The following RAB3GAP1 variants were observed in gnomAD, a reference collection of about 807,000 sequenced individuals.
RAB3GAP1 encodes RAB3 GTPase activating protein catalytic subunit 1, also known as rab3 GTPase-activating protein catalytic subunit.
A neutral mutation model predicts 130.7 loss-of-function variants in RAB3GAP1; 86 were observed. That is an observed-to-expected ratio of 0.66 (90% CI 0.55 to 0.79). The LOEUF (loss-of-function observed/expected upper bound fraction) is 0.79, where lower values mean the gene tolerates loss of function less well. RAB3GAP1 is among the 30% of genes least tolerant of loss of function. The pLI, the probability that RAB3GAP1 is intolerant of heterozygous loss-of-function variation, is 0.00. For synonymous variants in RAB3GAP1, 367 were observed against 401.7 expected (o/e 0.91, Z 1.03); for missense variants, 1,029 against 1,169.4 (o/e 0.88, Z 1.75).
chr2:135,133,094 C>G (rs554124998), intron 14 of RAB3GAP1, 110 bp downstream of exon 14: 8 of 752,644 alleles, frequency 1.1e-5, no homozygotes, highest in Non-Finnish European at 1.6e-5. Context: ...TAAAAATCAC[C>G]TTGGGAATTT....
intron 3 of RAB3GAP1, among the ~76,000 whole-genome samples, chr2:135,059,593 T>C (rs1432086032): frequency 2.0e-5 from 3 of 152,154 alleles, no homozygotes; most frequent in Non-Finnish European, 4.4e-5. Context: ...TCAGGGTACT[T>C]GGGAACCCTT....
At chr2:135,079,139 G>A (rs1689714641) in intron 3 of RAB3GAP1, among the ~76,000 whole-genome samples, 1 of 152,094 alleles carries the variant, frequency 6.6e-6, no homozygotes, top group Non-Finnish European at 1.5e-5. Context: ...ACAGTGCTGG[G>A]ATTACAGGCG....
chr2:135,160,172 A>G, intron 19 of RAB3GAP1, among the ~76,000 whole-genome samples: 1 of 152,354 alleles, frequency 6.6e-6, no homozygotes, highest in East Asian at 1.9e-4. Flanking sequence ...CTCAATTTTT[A>G]GAAACTAAGG....
At chr2:135,092,034 A>G (rs958438746) in intron 4 of RAB3GAP1, among the ~76,000 whole-genome samples, 5 of 152,212 alleles carry the variant, frequency 3.3e-5, no homozygotes, top group African/African-American at 1.2e-4. Context: ...GAATTTTGTT[A>G]CCTTTTCTGT....
intron 5 of RAB3GAP1, among the ~76,000 whole-genome samples, chr2:135,101,763 T>C (rs1018288638): frequency 1.3e-5 from 2 of 152,370 alleles, no homozygotes; most frequent in Non-Finnish European, 1.5e-5. Flanking sequence ...TATTTCAGCC[T>C]TCTGATATAC....
At chr2:135,063,402 A>G (rs1205528167) in intron 3 of RAB3GAP1, among the ~76,000 whole-genome samples, 3 of 152,172 alleles carry the variant, frequency 2.0e-5, no homozygotes, top group East Asian at 1.9e-4. Context: ...TTATTGTGCA[A>G]TCATTACTAC....
chr2:135,140,883 C>T (rs1374498222), intron 17 of RAB3GAP1, among the ~76,000 whole-genome samples: 2 of 152,216 alleles, frequency 1.3e-5, no homozygotes, highest in Non-Finnish European at 2.9e-5. Flanking sequence ...AGCTGCCAGC[C>T]AAGGGCCAAC....
At chr2:135,092,219 G>A (rs752257041) in intron 4 of RAB3GAP1, among the ~76,000 whole-genome samples, 7 of 152,160 alleles carry the variant, frequency 4.6e-5, no homozygotes, top group African/African-American at 7.2e-5. Flanking sequence ...GGAAGTGTGC[G>A]CAATTGTTGG....
At chr2:135,083,208 T>A (rs535125146) in intron 3 of RAB3GAP1, among the ~76,000 whole-genome samples, 21 of 152,314 alleles carry the variant, frequency 1.4e-4, no homozygotes, top group African/African-American at 4.8e-4. Flanking sequence ...ACCACATTTA[T>A]CTTTGACTAT....
chr2:135,165,908 G>T, intron 23 of RAB3GAP1, among the ~76,000 whole-genome samples: 1 of 152,244 alleles, frequency 6.6e-6, no homozygotes, highest in Middle Eastern at 3.4e-3. Flanking sequence ...GGCTGGGTGC[G>T]GTGGCTCACG....
chr2:135,139,357 A>G (rs1272715595), intron 17 of RAB3GAP1, among the ~76,000 whole-genome samples: 1 of 152,092 alleles, frequency 6.6e-6, no homozygotes, highest in African/African-American at 2.4e-5. Context: ...CCTGAGGAAC[A>G]TGACAAAACC....
In RAB3GAP1 at chr2:135,113,212, G is replaced by A. The variant is rs766549363; in HGVS notation, c.424G>A (p.Glu142Lys). Residue 142 changes from glutamate to lysine, a missense_variant, in exon 6 of 24, where the codon GAA becomes AAA. Coordinates refer to ENST00000264158, the MANE Select transcript of RAB3GAP1 (RefSeq NM_012233.3). ...TGCACACAGTGACGCTGTTCTCAGC[G>A]AATCTAAGTGCAACCTTCTTCTGAG... Reference protein sequence around the residue: ...PAAHSDAVLSESKCNLLLSSV... With the variant: ...PAAHSDAVLSKSKCNLLLSSV... 6.8e-6 allele frequency: 11 copies of A among 1,614,124 alleles called. No individual in the cohort carries two copies. The highest frequency in any genetic ancestry group is 2.2e-5 in the South Asian group (2 of 91,084).
chr2:135,115,217 C>G lies in RAB3GAP1; in HGVS notation c.484C>G (p.Gln162Glu). Residue 162 changes from glutamine to glutamate, a missense_variant and splice_region_variant, in exon 7 of 24, where the codon CAG becomes GAG. Physicochemically the swap from Gln to Glu is conservative, Grantham distance 29. Around this residue, in one of 3 missense-constraint regions of RAB3GAP1, gnomAD observed 510 missense variants for 532.1 expected, o/e 0.96. Transcript: ENST00000264158. ...VSIALGNTGC[Q>E]VPLFVQIHHK... ...TTCCTATTTAATCATGTCTTGCAGT[C>G]AGGTGCCACTCTTTGTGCAAATTCA... 6.2e-7 allele frequency: 1 copy of G among 1,607,128 alleles called. No homozygotes were observed. The highest frequency in any genetic ancestry group is 8.5e-7 in the Non-Finnish European group (1 of 1,173,838).
At position 135,120,851 on chromosome 2, in the gene RAB3GAP1, T is replaced by G; in HGVS notation, c.681T>G (p.Ser227Arg). The G allele has an allele frequency of 6.2e-7, 1 of 1,613,182 alleles. No homozygotes were observed. The highest frequency in any genetic ancestry group is 8.5e-7 in the Non-Finnish European group (1 of 1,179,152). ...GCPLTPLPPV[S>R]IAIRFTYVLQ... Reference sequence around the variant, plus strand: ...CTTTAACTCCATTGCCTCCAGTTAGTATTGCTATTCGATTTACCTATGTAC... The same window carrying G: ...CTTTAACTCCATTGCCTCCAGTTAGGATTGCTATTCGATTTACCTATGTAC... The change falls in exon 8 of 24, where the codon AGT becomes AGG. Residue 227 changes from serine (S) to arginine (R), a missense_variant. Ser to Arg is a moderately radical substitution (Grantham distance 110). Coordinates refer to ENST00000264158, the MANE Select transcript of RAB3GAP1 (RefSeq NM_012233.3).
At chr2:135,060,353 G>A (rs565690622) in intron 3 of RAB3GAP1, among the ~76,000 whole-genome samples, 57 of 146,212 alleles carry the variant, frequency 3.9e-4, no homozygotes, top group South Asian at 1.3e-3. Context: ...TCCACCTCCC[G>A]GGTTCAAGAG....
chr2:135,101,134 T>C (rs1001862385), intron 5 of RAB3GAP1, among the ~76,000 whole-genome samples: 14 of 152,230 alleles, frequency 9.2e-5, no homozygotes, highest in Non-Finnish European at 1.5e-5. Context: ...TATGTGGGTA[T>C]TTTAAGACTA....
chr2:135,150,431 T>C lies in RAB3GAP1; in HGVS notation c.1986T>C (p.Gly662=). ...AGTCTGAAGTTTTAGCTAAATTAGG[T>C]ACATCGGCAGAGGGGGCTCACCTTC... ...EEQSEVLAKL[G]TSAEGAHLRA... The change falls in exon 18 of 24, where the codon GGT becomes GGC. Residue 662 remains glycine, a synonymous_variant. Coordinates refer to ENST00000264158, the MANE Select transcript of RAB3GAP1 (RefSeq NM_012233.3). The C allele has an allele frequency of 6.2e-7, 1 of 1,614,164 alleles. No homozygotes were observed. The highest frequency in any genetic ancestry group is 1.1e-5 in the South Asian group (1 of 91,088).
At chr2:135,136,357 A>T (rs1255023951) in intron 17 of RAB3GAP1, among the ~76,000 whole-genome samples, 1 of 152,208 alleles carries the variant, frequency 6.6e-6, no homozygotes, top group Admixed American at 6.5e-5. Context: ...ATGTTTAAAG[A>T]TAAAGATATA....
intron 2 of RAB3GAP1, among the ~76,000 whole-genome samples, chr2:135,054,705 T>A (rs1282266141): frequency 1.3e-5 from 2 of 152,230 alleles, no homozygotes; most frequent in Non-Finnish European, 2.9e-5. Flanking sequence ...GGAAAAATGA[T>A]CACTTTCCCC....
Sources: gnomAD v4.1 joint callset for allele counts (sites outside exome capture counted in the v4.1 genomes callset) on GRCh38, gnomAD v4.1.1 for gene constraint, gnomAD v4.1.1 regional missense constraint, MANE v1.5 for transcripts, NCBI Gene and HGNC (gene_info 2026-07-23, HGNC 2026-07-21) for gene names.